The following PGM5 variants were observed in gnomAD, a reference collection of about 807,000 sequenced individuals.
PGM5 encodes phosphoglucomutase-like protein 5.
In PGM5, 23 loss-of-function variants were observed where a neutral mutation model predicts 59.2. That is an observed-to-expected ratio of 0.39 (90% CI 0.28 to 0.55). The LOEUF is 0.55. Ranked by LOEUF, PGM5 falls within the 20% of genes least tolerant of loss-of-function variation. The pLI, the probability that PGM5 is intolerant of heterozygous loss-of-function variation, is 0.66. For synonymous variants in PGM5, 214 were observed against 286.0 expected (o/e 0.75, Z 2.54); for missense variants, 574 against 748.3 (o/e 0.77, Z 2.72).
At chr9:68,438,286 C>CAAAAAAAAAA (rs34047393) in intron 6 of PGM5, among the ~76,000 whole-genome samples, 1 of 34,812 alleles carries the variant, frequency 2.9e-5, no homozygotes, top group African/African-American at 8.9e-5. Context: ...GAGACTCTGT[C>CAAAAAAAAAA]AAAAAAAAAA....
chr9:68,492,438 C>T (rs532679708), intron 9 of PGM5, among the ~76,000 whole-genome samples: 5 of 152,278 alleles, frequency 3.3e-5, no homozygotes, highest in African/African-American at 1.2e-4. Context: ...GTCACTTGAC[C>T]TTGATTTCCC....
intron 6 of PGM5, among the ~76,000 whole-genome samples, chr9:68,457,226 A>G (rs1329921259): frequency 2.0e-5 from 3 of 152,168 alleles, no homozygotes; most frequent in African/African-American, 7.2e-5. Context: ...TACGTTTATC[A>G]ATCTTTTTCT....
At chr9:68,492,400 G>A (rs1824407263) in intron 9 of PGM5, among the ~76,000 whole-genome samples, 2 of 152,188 alleles carry the variant, frequency 1.3e-5, no homozygotes, top group African/African-American at 2.4e-5. Context: ...GCTTTTCTAG[G>A]TGAGTGCTTT....
intron 6 of PGM5, chr9:68,396,097 C>T (rs1178372192): frequency 1.3e-5 from 2 of 152,078 alleles, no homozygotes; most frequent in African/African-American, 4.8e-5. Context: ...ATATTTAACC[C>T]TTCCACTTAT....
At chr9:68,435,097 G>A (rs1554683287) in intron 6 of PGM5, among the ~76,000 whole-genome samples, 1 of 152,032 alleles carries the variant, frequency 6.6e-6, no homozygotes, top group East Asian at 1.9e-4. Context: ...CCAGTTCTTG[G>A]GTTCTGTGCC....
chr9:68,415,564 G>A (rs1823010462), intron 6 of PGM5, among the ~76,000 whole-genome samples: 1 of 137,220 alleles, frequency 7.3e-6, no homozygotes, highest in Admixed American at 7.2e-5. Flanking sequence ...TTAGGGACAG[G>A]AGCCAACTTT....
chr9:68,485,201 CTG>C (rs1180128498), intron 9 of PGM5, among the ~76,000 whole-genome samples: 2 of 152,186 alleles, frequency 1.3e-5, no homozygotes, highest in East Asian at 3.9e-4. Flanking sequence ...TTTTCTTTAA[CTG>C]TTCACATCAG....
At chr9:68,516,950 C>T (rs1824833476) in intron 10 of PGM5, among the ~76,000 whole-genome samples, 1 of 152,110 alleles carries the variant, frequency 6.6e-6, no homozygotes, top group South Asian at 2.1e-4. Flanking sequence ...CGGCTCACTG[C>T]AACCTCCGCC....
intron 6 of PGM5, among the ~76,000 whole-genome samples, chr9:68,394,983 A>G (rs181255102): frequency 2.5e-3 from 386 of 152,230 alleles, no homozygotes; most frequent in Middle Eastern, 0.01. Flanking sequence ...GATGAAGTCC[A>G]GTTTATTTTT....
chr9:68,453,635 C>CCCT (rs1823731006), intron 6 of PGM5, among the ~76,000 whole-genome samples: 1 of 152,202 alleles, frequency 6.6e-6, no homozygotes, highest in Non-Finnish European at 1.5e-5. Flanking sequence ...GCTGTAATCT[C>CCCT]CCTCCTTATC....
chr9:68,480,056 C>G (rs1824171690), intron 8 of PGM5, among the ~76,000 whole-genome samples: 1 of 152,166 alleles, frequency 6.6e-6, no homozygotes, highest in Non-Finnish European at 1.5e-5. Context: ...AATTTCCTTT[C>G]CCCTGATGAC....
intron 9 of PGM5, chr9:68,497,565 C>T (rs1257457695): frequency 6.6e-6 from 1 of 152,166 alleles, no homozygotes; most frequent in Admixed American, 6.6e-5. Flanking sequence ...CAGCAGATAT[C>T]ACCAGATGGG....
At chr9:68,447,326 A>G (rs2132067383) in intron 6 of PGM5, among the ~76,000 whole-genome samples, 1 of 152,276 alleles carries the variant, frequency 6.6e-6, no homozygotes, top group South Asian at 2.1e-4. Context: ...AATTATAATG[A>G]TGGCTGCAGA....
intron 1 of PGM5, among the ~76,000 whole-genome samples, chr9:68,360,922 G>A (rs1390055594): frequency 6.6e-6 from 1 of 152,060 alleles, no homozygotes; most frequent in African/African-American, 2.4e-5. Context: ...ATTATGAAAT[G>A]TCCTTTTATT....
At chr9:68,369,984 A>G (rs448914) in intron 1 of PGM5, among the ~76,000 whole-genome samples, 107,501 of 150,844 alleles carry the variant, frequency 0.71, 38,399 homozygotes, top group Middle Eastern at 0.79. Context: ...CTACTTAAGG[A>G]CTGGCATTCT....
chr9:68,470,562 C>T (rs1044882648), intron 7 of PGM5, among the ~76,000 whole-genome samples: 5 of 152,132 alleles, frequency 3.3e-5, no homozygotes, highest in African/African-American at 9.7e-5. Context: ...ATTTTATATT[C>T]CTCAAAAGGT....
At chr9:68,374,163 T>C (rs1309453188) in intron 1 of PGM5, among the ~76,000 whole-genome samples, 2 of 152,360 alleles carry the variant, frequency 1.3e-5, no homozygotes, top group African/African-American at 2.4e-5. Context: ...ACAATCTTCA[T>C]AATTTTCCCT....
At chr9:68,396,970 A>G (rs1362495610) in intron 6 of PGM5, 4 of 152,540 alleles carry the variant, frequency 2.6e-5, no homozygotes, top group African/African-American at 9.6e-5. Flanking sequence ...TGAATTATTC[A>G]GACAAACTTT....
intron 9 of PGM5, among the ~76,000 whole-genome samples, chr9:68,495,048 G>A (rs1824461111): frequency 6.6e-6 from 1 of 152,190 alleles, no homozygotes; most frequent in Non-Finnish European, 1.5e-5. Context: ...CCTAGGCTAT[G>A]TGGATAAAAT....
Sources: allele counts gnomAD v4.1 joint callset (sites outside exome capture counted in the v4.1 genomes callset), GRCh38; gene constraint gnomAD v4.1.1; transcripts MANE v1.5; gene names NCBI Gene and HGNC (gene_info 2026-07-23, HGNC 2026-07-21).